Variants in CDH8 observed in about 807,000 individuals in gnomAD.
CDH8 encodes cadherin 8.
A neutral mutation model predicts 68.1 loss-of-function variants in CDH8; 17 were observed. That is an observed-to-expected ratio of 0.25 (90% CI 0.17 to 0.37). The LOEUF is 0.37. Among genes scored for constraint, CDH8 ranks in the 10% least tolerant of loss-of-function variants. CDH8 has a pLI of 1.00. For synonymous variants in CDH8, 372 were observed against 365.1 expected (o/e 1.02, Z -0.21); for missense variants, 763 against 999.3 (o/e 0.76, Z 3.19).
intron 10 of CDH8, among the ~76,000 whole-genome samples, chr16:61,698,821 C>T (rs902972732): frequency 2.6e-5 from 4 of 152,110 alleles, no homozygotes; most frequent in African/African-American, 9.7e-5. Flanking sequence ...CTTTGCTCTT[C>T]TAAGGAGGCA....
intron 2 of CDH8, among the ~76,000 whole-genome samples, chr16:61,954,460 G>T (rs1280004901): frequency 1.3e-5 from 2 of 152,064 alleles, no homozygotes; most frequent in Non-Finnish European, 2.9e-5. Context: ...AATGCACTTT[G>T]GGAGGCCGAG....
chr16:61,904,914 C>G (rs944350982), intron 2 of CDH8, among the ~76,000 whole-genome samples: 3 of 152,256 alleles, frequency 2.0e-5, no homozygotes, highest in Non-Finnish European at 4.4e-5. Flanking sequence ...TTTGTCAGAT[C>G]AGCAGTGGCA....
At chr16:61,671,731 C>A (rs991634828) in intron 10 of CDH8, among the ~76,000 whole-genome samples, 4 of 152,030 alleles carry the variant, frequency 2.6e-5, no homozygotes, top group African/African-American at 9.7e-5. Context: ...ATCTTAAAAT[C>A]CACATTCTTC....
At chr16:61,733,972 C>T (rs536228503) in intron 8 of CDH8, among the ~76,000 whole-genome samples, 4 of 151,854 alleles carry the variant, frequency 2.6e-5, no homozygotes, top group Non-Finnish European at 5.9e-5. Flanking sequence ...CATTCATTTT[C>T]TTGATAGCTT....
At chr16:61,894,444 G>A (rs1166450458) in intron 3 of CDH8, among the ~76,000 whole-genome samples, 1 of 152,048 alleles carries the variant, frequency 6.6e-6, no homozygotes, top group Non-Finnish European at 1.5e-5. Flanking sequence ...TGATATCAAT[G>A]GTGTGTCAAG....
intron 8 of CDH8, among the ~76,000 whole-genome samples, chr16:61,752,676 A>T (rs531760294): frequency 6.6e-6 from 1 of 152,330 alleles, no homozygotes; most frequent in Non-Finnish European, 1.5e-5. Context: ...GTAAGTGATT[A>T]AAAACCCTGC....
chr16:61,683,388 G>A (rs1045884597), intron 10 of CDH8, among the ~76,000 whole-genome samples: 1 of 151,938 alleles, frequency 6.6e-6, no homozygotes, highest in Non-Finnish European at 1.5e-5. Context: ...ACCTTTAGAA[G>A]GAGGCATTTA....
In CDH8 at chr16:61,652,117, T is replaced by C. The variant is rs532991495; in HGVS notation, c.*1491A>G. 2.1e-6 allele frequency: 2 copies of C among 964,754 alleles called. No homozygotes were observed. Among genetic ancestry groups the C allele is most frequent in the African/African-American group, 3.5e-5 (2 of 56,928 alleles). 59.8% of individuals were successfully genotyped at this position (964,754 alleles called of 1,614,324 possible). ...ATTGCATTAAAGCAAAGTAGAAAAT[T>C]AAAATGATCTGCATGTAATACTTGA... On this transcript the variant is annotated 3_prime_UTR_variant, in exon 12 of 12. Transcript: ENST00000577390.
At chr16:61,659,203 C>G (rs1390419765) in intron 10 of CDH8, among the ~76,000 whole-genome samples, 1 of 152,084 alleles carries the variant, frequency 6.6e-6, no homozygotes, top group Non-Finnish European at 1.5e-5. Flanking sequence ...AATGGAAAAA[C>G]ATTTAAAGAT....
chr16:61,895,350 A>G (rs1449420402), intron 3 of CDH8, among the ~76,000 whole-genome samples: 1 of 152,184 alleles, frequency 6.6e-6, no homozygotes, highest in African/African-American at 2.4e-5. Flanking sequence ...CAGCTCAGCC[A>G]CTTAATATCT....
chr16:61,688,208 A>G lies in CDH8; in HGVS notation c.1654+25633T>C, dbSNP rs1247578459. Among the ~76,000 whole-genome samples, 4 of 151,922 alleles carry G rather than the reference A, an allele frequency of 2.6e-5. No homozygotes were observed. In the South Asian group the frequency reaches 6.2e-4, roughly 24 times the overall value. On this transcript the variant is annotated intron_variant, in intron 10 of 11. Coordinates refer to ENST00000577390, the MANE Select transcript of CDH8 (RefSeq NM_001796.5). ...TGTGTCACCTGCCAGTGTTAGCTCTACCCTTCCATACCCACCTCCCTGCCT... is the reference window on the plus strand; with the variant it reads ...TGTGTCACCTGCCAGTGTTAGCTCTGCCCTTCCATACCCACCTCCCTGCCT...
chr16:61,935,688 T>C (rs764147942), intron 2 of CDH8, among the ~76,000 whole-genome samples: 1 of 152,152 alleles, frequency 6.6e-6, no homozygotes, highest in Non-Finnish European at 1.5e-5. Context: ...ATCTAGTGTA[T>C]GCCAGACATT....
At chr16:61,929,097 G>A (rs1341185421) in intron 2 of CDH8, among the ~76,000 whole-genome samples, 1 of 152,114 alleles carries the variant, frequency 6.6e-6, no homozygotes, top group Non-Finnish European at 1.5e-5. Context: ...TTTTAGTAGA[G>A]ACGAGGTTTC....
chr16:61,820,809 A>G, intron 6 of CDH8, 117 bp downstream of exon 6: 2 of 785,690 alleles, frequency 2.5e-6, no homozygotes, highest in Non-Finnish European at 4.1e-6. Context: ...TTACTGCTCA[A>G]AGCTAAACAC....
chr16:62,024,936 G>A (rs1597133482), intron 1 of CDH8, among the ~76,000 whole-genome samples: 1 of 152,172 alleles, frequency 6.6e-6, no homozygotes, highest in Admixed American at 6.5e-5. Context: ...GGAGAGAAAG[G>A]CAAATGGGTC....
At chr16:61,679,071 T>C (rs1160167296) in intron 10 of CDH8, among the ~76,000 whole-genome samples, 2 of 152,048 alleles carry the variant, frequency 1.3e-5, no homozygotes, top group Non-Finnish European at 2.9e-5. Flanking sequence ...GGTTATCTTA[T>C]TTGCTTTGGC....
intron 3 of CDH8, among the ~76,000 whole-genome samples, chr16:61,891,382 C>T (rs892546817): frequency 6.6e-6 from 1 of 152,110 alleles, no homozygotes; most frequent in Admixed American, 6.6e-5. Flanking sequence ...TGTTCTCAGA[C>T]ATAATGTAGA....
chr16:62,001,712 G>A (rs533401910), intron 2 of CDH8, among the ~76,000 whole-genome samples: 16 of 152,122 alleles, frequency 1.1e-4, no homozygotes, highest in South Asian at 2.1e-4. Flanking sequence ...GGGTACAGGC[G>A]CACAACATGC....
intron 8 of CDH8, among the ~76,000 whole-genome samples, chr16:61,778,435 T>G (rs557416112): frequency 6.6e-6 from 1 of 152,092 alleles, no homozygotes; most frequent in Admixed American, 6.6e-5. Flanking sequence ...GGCTATGCAA[T>G]GCAGAAACAT....
Sources: gnomAD v4.1 joint callset for allele counts (sites outside exome capture counted in the v4.1 genomes callset) on GRCh38, gnomAD v4.1.1 for gene constraint, MANE v1.5 for transcripts, NCBI Gene and HGNC (gene_info 2026-07-23, HGNC 2026-07-21) for gene names.